The following MYOM2 variants were observed in gnomAD, a reference collection of about 807,000 sequenced individuals.
MYOM2 encodes the protein myomesin 2.
A neutral mutation model predicts 187.6 loss-of-function variants in MYOM2; 254 were observed. That is an observed-to-expected ratio of 1.35 (90% CI 1.22 to 1.50). The LOEUF is 1.50. Ranked by LOEUF, MYOM2 falls within the 40% of genes most tolerant of loss-of-function variation. The pLI is 0.00. For synonymous variants in MYOM2, 981 were observed against 753.8 expected (o/e 1.30, Z -4.94); for missense variants, 2,796 against 1,924.0 (o/e 1.45, Z -8.48).
chr8:2,100,096 CCTT>C (rs1796641442), intron 19 of MYOM2, among the ~76,000 whole-genome samples: 10 of 113,624 alleles, frequency 8.8e-5, no homozygotes, highest in African/African-American at 3.2e-4. Context: ...TTCCTTCCTT[CCTT>C]CCTTCCTTCT....
chr8:2,143,514 C>A (rs1798352113), intron 36 of MYOM2, 58 bp downstream of exon 36: 3 of 1,600,612 alleles, frequency 1.9e-6, no homozygotes, highest in East Asian at 2.2e-5. Context: ...TGGACGCAAC[C>A]CCTTCTCTTG....
Position 2,093,990 on chromosome 8 carries a change from C to A in MYOM2, c.2024C>A (p.Thr675Asn), listed in dbSNP as rs748862655. The change falls in exon 17 of 37, where the codon ACC becomes AAC. Residue 675 changes from threonine to asparagine, a missense_variant. Coordinates refer to ENST00000262113, the MANE Select transcript of MYOM2 (RefSeq NM_003970.4). The part of the protein sequence containing the change: ...GYNRFVVHGL[T>N]TGEQYIFRVK... Reference sequence around the variant, plus strand: ...CTCAGGTTCGTGGTGCACGGCTTAACCACGGGAGAGCAGTACATCTTCCGA... The same window carrying A: ...CTCAGGTTCGTGGTGCACGGCTTAAACACGGGAGAGCAGTACATCTTCCGA... 4 of 1,614,014 alleles carry A rather than the reference C, an allele frequency of 2.5e-6. No individual in the cohort carries two copies. Among genetic ancestry groups the A allele is most frequent in the African/African-American group, 1.3e-5 (1 of 74,902 alleles).
At chr8:2,101,079 C>T (rs1490717441) in intron 20 of MYOM2, 25 bp downstream of exon 20, 3 of 1,611,354 alleles carry the variant, frequency 1.9e-6, no homozygotes, top group South Asian at 1.1e-5. Context: ...GCTGTGGTGG[C>T]TCATGCCTGT....
At chr8:2,108,714 C>T (rs879200201) in intron 23 of MYOM2, 72 bp from the exon 24 acceptor site, 30 of 1,441,892 alleles carry the variant, frequency 2.1e-5, no homozygotes, top group Middle Eastern at 1.7e-4. Context: ...GCTCGTGTGT[C>T]GCCTTGCTGT....
At chr8:2,048,310 T>G (rs1167310948) in intron 1 of MYOM2, among the ~76,000 whole-genome samples, 2 of 152,200 alleles carry the variant, frequency 1.3e-5, no homozygotes, top group Non-Finnish European at 2.9e-5. Flanking sequence ...TTGGTCCAAC[T>G]TCATTTCAGT....
At chr8:2,057,512 T>C (rs902942573) in intron 4 of MYOM2, 26 bp downstream of exon 4, 1 of 1,613,602 alleles carries the variant, frequency 6.2e-7, no homozygotes, top group Non-Finnish European at 8.5e-7. Context: ...GGTGGCTGGG[T>C]GTCTGGGAAG....
At position 2,073,432 on chromosome 8, in the gene MYOM2, G is replaced by T. The variant is rs764871791; in HGVS notation, c.1052G>T (p.Gly351Val). The change falls in exon 10 of 37, where the codon GGC becomes GTC. Residue 351 changes from glycine to valine, a missense_variant. Physicochemically the swap from Gly to Val is moderately radical, Grantham distance 109. Coordinates refer to ENST00000262113, the MANE Select transcript of MYOM2 (RefSeq NM_003970.4). ...AGCCACCTGCACAAGGACGACGAGG[G>T]CCTGTACACCCTGCGCATCGTGTCT... ...SFSHLHKDDE[G>V]LYTLRIVSRG... The T allele has an allele frequency of 1.2e-6, 2 of 1,612,776 alleles. No individual in the cohort carries two copies. Among genetic ancestry groups the T allele is most frequent in the South Asian group, 1.1e-5 (1 of 90,912 alleles).
chr8:2,087,371 G>C (rs956411002), intron 14 of MYOM2, among the ~76,000 whole-genome samples: 6 of 152,174 alleles, frequency 3.9e-5, no homozygotes, highest in African/African-American at 1.4e-4. Flanking sequence ...CAGCATGGAG[G>C]AGGACCCTCT....
Position 2,144,909 on chromosome 8 carries a change from C to T in MYOM2, c.4326C>T (p.Ile1442=), listed in dbSNP as rs1343431196. The change falls in exon 37 of 37, where the codon ATC becomes ATT. Residue 1442 remains isoleucine (I), a synonymous_variant. Coordinates refer to ENST00000262113, the MANE Select transcript of MYOM2 (RefSeq NM_003970.4). ...GCGTGTACAAACACGGGGAGAAGAT[C>T]CCGGACATGGCCCCGCCCCAGCAAG... ...TVSVYKHGEK[I]PDMAPPQQAK... is the part of the protein sequence containing the mutation. 1.9e-6 allele frequency: 3 copies of T among 1,614,110 alleles called. No individual in the cohort carries two copies. The highest frequency in any genetic ancestry group is 1.3e-5 in the African/African-American group (1 of 75,036).
At chr8:2,104,660 T>A (rs1030882445) in intron 21 of MYOM2, among the ~76,000 whole-genome samples, 1 of 150,392 alleles carries the variant, frequency 6.6e-6, no homozygotes, top group Non-Finnish European at 1.5e-5. Context: ...AGGCGGGAAG[T>A]CTAAGAAGCA....
intron 13 of MYOM2, chr8:2,081,643 G>T (rs1819632636): frequency 1.3e-5 from 2 of 157,002 alleles, no homozygotes; most frequent in South Asian, 3.7e-4. Context: ...GAAGAGCACT[G>T]GGGAAGGGAA....
intron 1 of MYOM2, among the ~76,000 whole-genome samples, chr8:2,048,176 C>T (rs887001169): frequency 5.9e-5 from 9 of 152,220 alleles, no homozygotes; most frequent in African/African-American, 2.2e-4. Flanking sequence ...GCCCCTGCTG[C>T]AATAGCAGGT....
intron 8 of MYOM2, 44 bp downstream of exon 8, chr8:2,069,541 T>A: frequency 2.5e-6 from 4 of 1,609,068 alleles, no homozygotes; most frequent in East Asian, 4.5e-5. Context: ...AAATGTTTAG[T>A]GACATAGCAG....
At chr8:2,117,857 A>T in intron 27 of MYOM2, 28 bp from the exon 28 acceptor site, 1 of 1,572,216 alleles carries the variant, frequency 6.4e-7, no homozygotes, top group Non-Finnish European at 8.7e-7. Flanking sequence ...CCTTTTTTAT[A>T]TGTTTTCTTC....
At position 2,050,815 on chromosome 8, in the gene MYOM2, G is replaced by A. The variant is rs1049710699; in HGVS notation, c.49G>A (p.Asp17Asn). ...CTACCAGAAGAGACATAGGCACTTC[G>A]ACCAGTCCTACCGTAATATTCAAAC... is the stretch of plus-strand genomic sequence containing the variant. ...PFYQKRHRHF[D>N]QSYRNIQTRY... The change falls in exon 2 of 37, where the codon GAC becomes AAC. Residue 17 changes from aspartate to asparagine, a missense_variant. By Grantham distance (23) the Asp-to-Asn change is conservative. Transcript: ENST00000262113. The A allele has an allele frequency of 1.4e-5, 22 of 1,613,582 alleles. No homozygotes were observed. Among genetic ancestry groups the A allele is most frequent in the East Asian group, 1.3e-4 (6 of 44,868 alleles).
At chr8:2,046,440 G>A (rs946745078) in intron 1 of MYOM2, among the ~76,000 whole-genome samples, 1 of 152,206 alleles carries the variant, frequency 6.6e-6, no homozygotes, top group African/African-American at 2.4e-5. Context: ...AGGAGAGTCA[G>A]CTGGCGCCTG....
intron 36 of MYOM2, among the ~76,000 whole-genome samples, chr8:2,144,406 A>G (rs531116647): frequency 5.3e-5 from 8 of 152,362 alleles, no homozygotes; most frequent in Middle Eastern, 3.4e-3. Flanking sequence ...TAGGCTATGG[A>G]TAAAAGCTAA....
chr8:2,051,374 C>T (rs868112980), intron 2 of MYOM2, among the ~76,000 whole-genome samples: 3 of 152,060 alleles, frequency 2.0e-5, no homozygotes, highest in African/African-American at 7.2e-5. Context: ...GGAAGCTTCT[C>T]GGGGATGGCC....
In MYOM2 at chr8:2,144,927, C is replaced by T. The variant is rs1303231965; in HGVS notation, c.4344C>T (p.Pro1448=). The change falls in exon 37 of 37, where the codon CCC becomes CCT. Residue 1448 remains proline, a synonymous_variant. Transcript: ENST00000262113. Reference sequence around the variant, plus strand: ...AGAAGATCCCGGACATGGCCCCGCCCCAGCAAGCCAAGCCCAAGCTCATCC... The same window carrying T: ...AGAAGATCCCGGACATGGCCCCGCCTCAGCAAGCCAAGCCCAAGCTCATCC... ...HGEKIPDMAP[P]QQAKPKLIPA... is the part of the protein sequence containing the mutation. 6.2e-7 allele frequency: 1 copy of T among 1,614,064 alleles called. No homozygotes were observed. The highest frequency in any genetic ancestry group is 8.5e-7 in the Non-Finnish European group (1 of 1,180,044).
Sources: gnomAD v4.1 joint callset for allele counts (sites outside exome capture counted in the v4.1 genomes callset) on GRCh38, gnomAD v4.1.1 for gene constraint, MANE v1.5 for transcripts, NCBI Gene and HGNC (gene_info 2026-07-23, HGNC 2026-07-21) for gene names.